Variants in FGF14 observed in about 807,000 individuals in gnomAD.
FGF14 encodes fibroblast growth factor homologous factor 4.
A neutral mutation model predicts 25.5 loss-of-function variants in FGF14; 5 were observed. That is an observed-to-expected ratio of 0.20 (90% CI 0.10 to 0.41). The LOEUF (loss-of-function observed/expected upper bound fraction) is 0.41, where lower values mean the gene tolerates loss of function less well. FGF14 is among the 10% of genes least tolerant of loss of function. The pLI, the probability that FGF14 is intolerant of heterozygous loss-of-function variation, is 1.00. For synonymous variants in FGF14, 138 were observed against 118.3 expected (o/e 1.17, Z -1.08); for missense variants, 222 against 320.1 (o/e 0.69, Z 2.34).
At chr13:101,739,389 T>C (rs2036398331) in intron 3 of FGF14, among the ~76,000 whole-genome samples, 4 of 152,010 alleles carry the variant, frequency 2.6e-5, no homozygotes. Flanking sequence ...GAGAGACAAA[T>C]GTTTACACTA....
At chr13:101,829,834 T>C (rs1404304787) in intron 3 of FGF14, among the ~76,000 whole-genome samples, 2 of 152,118 alleles carry the variant, frequency 1.3e-5, no homozygotes, top group African/African-American at 4.8e-5. Flanking sequence ...CTATTCTGTT[T>C]AGTCCTCATA....
At chr13:101,866,923 C>G (rs895660649) in intron 3 of FGF14, among the ~76,000 whole-genome samples, 4 of 151,994 alleles carry the variant, frequency 2.6e-5, no homozygotes, top group Admixed American at 6.6e-5. Flanking sequence ...AACAAAGAGT[C>G]AAGGATGGGA....
chr13:102,167,273 G>A (rs1249529219), intron 1 of FGF14, among the ~76,000 whole-genome samples: 3 of 139,966 alleles, frequency 2.1e-5, no homozygotes, highest in Admixed American at 7.7e-5. Context: ...TGAAGGCAGA[G>A]GTTGCAGTGA....
chr13:102,265,865 T>C (rs1303453122), intron 1 of FGF14, among the ~76,000 whole-genome samples: 2 of 152,098 alleles, frequency 1.3e-5, no homozygotes, highest in Non-Finnish European at 2.9e-5. Flanking sequence ...ATTACTCTAT[T>C]TTGAAGCATA....
At chr13:102,378,293 G>C (rs1270269377) in intron 1 of FGF14, among the ~76,000 whole-genome samples, 1 of 152,054 alleles carries the variant, frequency 6.6e-6, no homozygotes, top group African/African-American at 2.4e-5. Flanking sequence ...ATGGATCTGT[G>C]GGGGCAAAGG....
chr13:102,105,320 G>C (rs1182297344), intron 1 of FGF14, among the ~76,000 whole-genome samples: 1 of 152,136 alleles, frequency 6.6e-6, no homozygotes, highest in African/African-American at 2.4e-5. Context: ...TATTAAGTAG[G>C]TCTAGAGAAA....
intron 1 of FGF14, among the ~76,000 whole-genome samples, chr13:102,384,325 GATAA>G (rs1217399832): frequency 6.6e-6 from 1 of 152,082 alleles, no homozygotes; most frequent in Admixed American, 6.6e-5. Flanking sequence ...AGGTACAAAG[GATAA>G]ATATTCTTGA....
chr13:102,119,872 T>A (rs1292994747), intron 1 of FGF14, among the ~76,000 whole-genome samples: 1 of 152,196 alleles, frequency 6.6e-6, no homozygotes, highest in Non-Finnish European at 1.5e-5. Context: ...GAGAGCAGGA[T>A]CCACCCAGAG....
chr13:102,367,486 C>T (rs540915435), intron 1 of FGF14: 1 of 152,166 alleles, frequency 6.6e-6, no homozygotes, highest in Non-Finnish European at 1.5e-5. Flanking sequence ...TTCTGCAATA[C>T]CACACTGGTT....
chr13:102,390,846 C>T (rs566945151), intron 1 of FGF14, among the ~76,000 whole-genome samples: 8 of 152,076 alleles, frequency 5.3e-5, no homozygotes, highest in Admixed American at 6.5e-5. Context: ...CATTCGTTAA[C>T]GGGAAAACTA....
chr13:102,327,905 A>G (rs1270937634), intron 1 of FGF14, among the ~76,000 whole-genome samples: 1 of 151,686 alleles, frequency 6.6e-6, no homozygotes, highest in East Asian at 1.9e-4. Flanking sequence ...AAAAAAAATA[A>G]AAATAAAAAT....
chr13:102,095,304 A>G (rs1031266591), intron 1 of FGF14, among the ~76,000 whole-genome samples: 2 of 152,222 alleles, frequency 1.3e-5, no homozygotes, highest in Admixed American at 1.3e-4. Flanking sequence ...ACAGAAGATG[A>G]CTTGATGGAG....
At chr13:101,860,548 A>G (rs1401232182) in intron 3 of FGF14, among the ~76,000 whole-genome samples, 3 of 152,044 alleles carry the variant, frequency 2.0e-5, no homozygotes, top group South Asian at 4.1e-4. Context: ...AGCACTAGAC[A>G]TGCCTGGGAT....
At chr13:102,051,448 C>T (rs1294518279) in intron 1 of FGF14, among the ~76,000 whole-genome samples, 2 of 152,164 alleles carry the variant, frequency 1.3e-5, no homozygotes, top group African/African-American at 4.8e-5. Context: ...ACACATCAGA[C>T]ACCAGTGCCA....
At chr13:102,294,687 C>T (rs943040734) in intron 1 of FGF14, among the ~76,000 whole-genome samples, 12 of 152,080 alleles carry the variant, frequency 7.9e-5, no homozygotes, top group African/African-American at 2.9e-4. Flanking sequence ...ACTATTTCTC[C>T]AGTGGTCAAA....
At chr13:101,975,686 G>T (rs572846201) in intron 1 of FGF14, among the ~76,000 whole-genome samples, 29 of 152,260 alleles carry the variant, frequency 1.9e-4, no homozygotes, top group African/African-American at 7.0e-4. Context: ...AGTCGTTCCC[G>T]CTGAAACATA....
chr13:102,053,871 G>T (rs1351877522), intron 1 of FGF14, among the ~76,000 whole-genome samples: 2 of 152,024 alleles, frequency 1.3e-5, no homozygotes, highest in African/African-American at 4.8e-5. Flanking sequence ...TGTTTTTACT[G>T]AACTGTAAGT....
At chr13:102,045,029 G>A (rs759146782) in intron 1 of FGF14, among the ~76,000 whole-genome samples, 52 of 152,240 alleles carry the variant, frequency 3.4e-4, no homozygotes, top group African/African-American at 1.1e-3. Flanking sequence ...CCTCACTGAC[G>A]TTCCCCATCC....
At chr13:101,831,614 T>C (rs180791285) in intron 3 of FGF14, among the ~76,000 whole-genome samples, 334 of 152,200 alleles carry the variant, frequency 2.2e-3, no homozygotes, top group African/African-American at 7.7e-3. Flanking sequence ...AATGGCTTTG[T>C]TGTCTCAAGA....
Sources: gnomAD v4.1 joint callset for allele counts (sites outside exome capture counted in the v4.1 genomes callset) on GRCh38, gnomAD v4.1.1 for gene constraint, MANE v1.5 for transcripts, NCBI Gene and HGNC (gene_info 2026-07-23, HGNC 2026-07-21) for gene names.